Variants in TLE3 observed in about 807,000 individuals in gnomAD.
TLE3 encodes the protein transducin-like enhancer protein 3.
In TLE3, 14 loss-of-function variants were observed where a neutral mutation model predicts 93.0. That is an observed-to-expected ratio of 0.15 (90% CI 0.10 to 0.24). The LOEUF (loss-of-function observed/expected upper bound fraction) is 0.24. Among genes scored for constraint, TLE3 ranks in the 10% least tolerant of loss-of-function variants. TLE3 has a pLI of 1.00. For synonymous variants in TLE3, 451 were observed against 425.0 expected, an observed-to-expected ratio of 1.06 and a Z score of -0.75; for missense variants, 693 against 1,046.6, an observed-to-expected ratio of 0.66 and a Z score of 4.66.
At chr15:70,067,788 A>C (rs929683249) in intron 6 of TLE3, among the ~76,000 whole-genome samples, 4 of 152,210 alleles carry the variant, frequency 2.6e-5, no homozygotes, top group African/African-American at 9.7e-5. Flanking sequence ...CAGCCACAGA[A>C]GCCATGGCAC....
At chr15:70,060,481 T>C in intron 9 of TLE3, 49 bp downstream of exon 9, 2 of 1,608,926 alleles carry the variant, frequency 1.2e-6, no homozygotes, top group Non-Finnish European at 1.7e-6. Flanking sequence ...AGACACCCCC[T>C]GCCCTACCCA....
intron 6 of TLE3, chr15:70,066,952 A>G: frequency 5.6e-6 from 2 of 359,228 alleles, no homozygotes; most frequent in East Asian, 8.7e-5. Context: ...GTAAAGGGGG[A>G]AAGCAGCAGA....
intron 17 of TLE3, chr15:70,052,993 C>T (rs959963335): frequency 1.2e-5 from 6 of 516,846 alleles, no homozygotes; most frequent in Non-Finnish European, 1.4e-5. Context: ...TCAATAGCAG[C>T]AGAGAATGAA....
chr15:70,091,114 C>T (rs1448760360), intron 4 of TLE3, among the ~76,000 whole-genome samples: 1 of 152,240 alleles, frequency 6.6e-6, no homozygotes, highest in Non-Finnish European at 1.5e-5. Context: ...GTTTCCTCAT[C>T]TGTAACTTGA....
In TLE3 at chr15:70,084,548, T is replaced by C. The variant is rs986125740; in HGVS notation, c.235-8390A>G. ...TAGTATGGTGGTCTGGGGGTAGACATGTGGGAAGACCACAGAAGACCTCAT... is the reference window on the plus strand; with the variant it reads ...TAGTATGGTGGTCTGGGGGTAGACACGTGGGAAGACCACAGAAGACCTCAT... On this transcript the variant is annotated intron_variant, in intron 4 of 19. Coordinates refer to ENST00000451782, the MANE Select transcript of TLE3 (RefSeq NM_001105192.3). 2.0e-5 allele frequency among the ~76,000 whole-genome samples: 3 copies of C among 152,212 alleles called. No homozygotes were observed. The South Asian group carries it at 6.2e-4, about 32-fold the overall frequency.
At chr15:70,082,847 G>A (rs1414022863) in intron 4 of TLE3, among the ~76,000 whole-genome samples, 2 of 152,192 alleles carry the variant, frequency 1.3e-5, no homozygotes, top group Non-Finnish European at 2.9e-5. Context: ...CCCTTCCCCA[G>A]CTAGGACCGA....
intron 4 of TLE3, among the ~76,000 whole-genome samples, chr15:70,089,882 G>A (rs1212606081): frequency 6.6e-6 from 1 of 152,212 alleles, no homozygotes; most frequent in East Asian, 1.9e-4. Context: ...GGAGTTCAAG[G>A]AAAGGAAGAA....
chr15:70,076,885 A>G (rs773938220), intron 4 of TLE3, among the ~76,000 whole-genome samples: 7 of 151,740 alleles, frequency 4.6e-5, no homozygotes, highest in Non-Finnish European at 7.4e-5. Flanking sequence ...CTCCCAGCTA[A>G]TTTTTGTATT....
chr15:70,056,257 C>G (rs2056016462), intron 14 of TLE3, 41 bp downstream of exon 14: 1 of 1,598,912 alleles, frequency 6.3e-7, no homozygotes, highest in Non-Finnish European at 8.6e-7. Flanking sequence ...CTCTCTCCTG[C>G]CCACCCTACA....
At chr15:70,065,979 GCCCC>G in intron 7 of TLE3, 31 bp downstream of exon 7, 5 of 1,089,074 alleles carry the variant, frequency 4.6e-6, no homozygotes, top group Non-Finnish European at 7.0e-6. Context: ...GCCCACCCCT[GCCCC>G]GCCCCACCCT....
chr15:70,052,224 G>T, intron 18 of TLE3, 150 bp downstream of exon 18: 1 of 910,378 alleles, frequency 1.1e-6, no homozygotes, highest in Non-Finnish European at 1.6e-6. Flanking sequence ...ACTTAAGGGT[G>T]TTGAAGGGGC....
intron 8 of TLE3, among the ~76,000 whole-genome samples, chr15:70,061,014 T>C (rs2056439805): frequency 6.6e-6 from 1 of 152,176 alleles, no homozygotes; most frequent in Admixed American, 6.5e-5. Flanking sequence ...GCCACACTCA[T>C]TTGCTCAAAG....
intron 19 of TLE3, 163 bp downstream of exon 19, chr15:70,051,228 A>G (rs551609888): frequency 2.9e-5 from 18 of 626,304 alleles, no homozygotes; most frequent in African/African-American, 7.5e-5. Flanking sequence ...GGAGAACCCA[A>G]TCTTGCTCCC....
intron 6 of TLE3, among the ~76,000 whole-genome samples, chr15:70,072,935 A>G (rs1334227053): frequency 2.0e-5 from 3 of 152,214 alleles, no homozygotes; most frequent in Non-Finnish European, 2.9e-5. Context: ...GCTGCCTTCC[A>G]GCACTGAACA....
At chr15:70,055,720 A>G (rs559622270) in intron 14 of TLE3, 1 of 195,150 alleles carries the variant, frequency 5.1e-6, no homozygotes, top group Admixed American at 5.3e-5. Context: ...GCCTGTGGTG[A>G]GCCAGCCTGG....
chr15:70,052,417 G>A lies in TLE3; in HGVS notation c.2082C>T (p.His694=), dbSNP rs2055630874. The A allele has an allele frequency of 6.2e-7, 1 of 1,614,036 alleles. No individual in the cohort carries two copies. The highest frequency in any genetic ancestry group is 2.2e-5 in the East Asian group (1 of 44,890). The part of the protein sequence containing the change: ...HHTKPDKYQL[H]LHESCVLSLK... ...GGGAGAGCACGCAGCTCTCGTGCAG[G>A]TGCAGCTGGTACTTGTCAGGCTTGG... The change falls in exon 18 of 20, where the codon CAC becomes CAT. Residue 694 remains histidine, a synonymous_variant. Transcript: ENST00000451782.
chr15:70,057,979 A>T, intron 12 of TLE3, 180 bp downstream of exon 12: 1 of 1,022,488 alleles, frequency 9.8e-7, no homozygotes, highest in Non-Finnish European at 1.4e-6. Flanking sequence ...CTGGCCCAGC[A>T]GGGGTCCCAG....
At chr15:70,068,809 A>T (rs936316094) in intron 6 of TLE3, among the ~76,000 whole-genome samples, 5 of 152,230 alleles carry the variant, frequency 3.3e-5, no homozygotes, top group African/African-American at 4.8e-5. Flanking sequence ...AGCTTTGCCC[A>T]GTTCAAAGGC....
rs930693637 is a variant in TLE3 at position 70,097,337 on chromosome 15, C to G, written c.-539G>C. 1 of 403,076 alleles carries G rather than the reference C, an allele frequency of 2.5e-6. No individual in the cohort carries two copies. Among genetic ancestry groups the G allele is most frequent in the Non-Finnish European group, 4.4e-6 (1 of 229,254 alleles). The allele number at this position is 403,076 out of a possible 1,614,324, so 25.0% of individuals were successfully genotyped here. On this transcript the variant is annotated 5_prime_UTR_variant, in exon 1 of 20. Coordinates refer to ENST00000451782, the MANE Select transcript of TLE3 (RefSeq NM_001105192.3). ...GCGAGAAGAGGAAGGAGGCGGGCTACGAGGTGGTGGCTTGGGGCCGCAGGA... is the reference window on the plus strand; with the variant it reads ...GCGAGAAGAGGAAGGAGGCGGGCTAGGAGGTGGTGGCTTGGGGCCGCAGGA...
Sources: allele counts gnomAD v4.1 joint callset (sites outside exome capture counted in the v4.1 genomes callset), GRCh38; gene constraint gnomAD v4.1.1; transcripts MANE v1.5; gene names NCBI Gene and HGNC (gene_info 2026-07-23, HGNC 2026-07-21).